Variants in CACHD1 observed in about 807,000 individuals in gnomAD.
The protein encoded by CACHD1 is VWFA and cache domain-containing protein 1.
In CACHD1, 71 loss-of-function variants were observed where a neutral mutation model predicts 138.7. The observed-to-expected ratio is 0.51, with a 90% CI of 0.42 to 0.62. The LOEUF is 0.62. CACHD1 is among the 20% of genes least tolerant of loss of function. The pLI is 0.00. For missense variants in CACHD1, 1,389 were observed against 1,625.3 expected (o/e 0.85, Z 2.50); for synonymous variants, 578 against 591.5 (o/e 0.98, Z 0.33).
chr1:64,519,131 C>T (rs936600167), intron 1 of CACHD1, among the ~76,000 whole-genome samples: 1 of 152,088 alleles, frequency 6.6e-6, no homozygotes, highest in East Asian at 1.9e-4. Context: ...TGTTTTTAAT[C>T]TCATTAACCC....
intron 2 of CACHD1, among the ~76,000 whole-genome samples, chr1:64,552,703 TC>T (rs1646768637): frequency 6.6e-6 from 1 of 152,192 alleles, no homozygotes; most frequent in South Asian, 2.1e-4. Context: ...GGTCTCAAAC[TC>T]CTCAGCGCAA....
At chr1:64,485,172 C>A (rs1352911930) in intron 1 of CACHD1, among the ~76,000 whole-genome samples, 3 of 152,154 alleles carry the variant, frequency 2.0e-5, no homozygotes, top group African/African-American at 7.2e-5. Context: ...CAGTAGCTAT[C>A]CTAATGGGAG....
chr1:64,633,936 G>A, intron 6 of CACHD1, 108 bp from the exon 7 acceptor site: 1 of 747,280 alleles, frequency 1.3e-6, no homozygotes, highest in African/African-American at 1.8e-5. Context: ...CTCAGAATCT[G>A]TTCTGTAGGC....
At chr1:64,679,271 T>G (rs542709085) in intron 23 of CACHD1, among the ~76,000 whole-genome samples, 1 of 152,290 alleles carries the variant, frequency 6.6e-6, no homozygotes, top group African/African-American at 2.4e-5. Flanking sequence ...CAAGAGTAAC[T>G]CATACCCCAG....
intron 1 of CACHD1, among the ~76,000 whole-genome samples, chr1:64,472,523 AATAG>A (rs1646151863): frequency 6.6e-6 from 1 of 152,244 alleles, no homozygotes. Flanking sequence ...TTTGCATAAT[AATAG>A]ATAAGCTTTT....
At chr1:64,556,553 A>G (rs17097135) in intron 2 of CACHD1, among the ~76,000 whole-genome samples, 2,200 of 152,242 alleles carry the variant, frequency 0.014, 54 homozygotes, top group South Asian at 0.091. Flanking sequence ...TCTTGTGCAT[A>G]CTATCTAACT....
chr1:64,613,345 G>A (rs1309624737), intron 4 of CACHD1: 2 of 149,578 alleles, frequency 1.3e-5, no homozygotes, highest in Non-Finnish European at 3.0e-5. Context: ...ATAGTGTAGT[G>A]TAGTGTAAAA....
intron 1 of CACHD1, among the ~76,000 whole-genome samples, chr1:64,541,724 C>T (rs1489817532): frequency 6.6e-6 from 1 of 152,172 alleles, no homozygotes; most frequent in Non-Finnish European, 1.5e-5. Context: ...TCCAGCTACT[C>T]AGGAGGCTGA....
At chr1:64,633,084 TG>T (rs1648372141) in intron 6 of CACHD1, among the ~76,000 whole-genome samples, 1 of 152,210 alleles carries the variant, frequency 6.6e-6, no homozygotes, top group Non-Finnish European at 1.5e-5. Context: ...CCTTTATGAT[TG>T]CATGGCTGAC....
chr1:64,516,341 T>G (rs922663773), intron 1 of CACHD1, among the ~76,000 whole-genome samples: 7 of 152,216 alleles, frequency 4.6e-5, no homozygotes, highest in Non-Finnish European at 8.8e-5. Context: ...TAACTTGCAG[T>G]AGCATTTCTC....
intron 26 of CACHD1, among the ~76,000 whole-genome samples, chr1:64,682,854 A>G (rs1383400288): frequency 6.6e-6 from 1 of 152,176 alleles, no homozygotes; most frequent in African/African-American, 2.4e-5. Context: ...CAGTTCCACA[A>G]AAATATAACA....
At chr1:64,601,258 AG>A (rs1647210802) in intron 3 of CACHD1, among the ~76,000 whole-genome samples, 2 of 152,334 alleles carry the variant, frequency 1.3e-5, no homozygotes, top group South Asian at 2.1e-4. Context: ...AACATCAGGG[AG>A]GGAATAGACT....
intron 1 of CACHD1, among the ~76,000 whole-genome samples, chr1:64,489,966 C>T (rs575715629): frequency 5.3e-5 from 8 of 152,246 alleles, no homozygotes; most frequent in Admixed American, 4.6e-4. Context: ...CTATTATTAC[C>T]TAACTTATAC....
intron 3 of CACHD1, among the ~76,000 whole-genome samples, chr1:64,600,792 A>T (rs1408233032): frequency 1.3e-5 from 2 of 152,214 alleles, no homozygotes; most frequent in Non-Finnish European, 2.9e-5. Context: ...CACAATCAGG[A>T]TAGGCCTTTC....
At chr1:64,552,425 A>G (rs1239746587) in intron 2 of CACHD1, among the ~76,000 whole-genome samples, 1 of 152,068 alleles carries the variant, frequency 6.6e-6, no homozygotes, top group Non-Finnish European at 1.5e-5. Flanking sequence ...AGCTTTTGAA[A>G]TAAATATGAC....
rs549642418 is a variant in CACHD1 at position 64,659,070 on chromosome 1, C to T, written c.1951+197C>T. Among the ~76,000 whole-genome samples the T allele has an allele frequency of 3.3e-5, 5 of 152,164 alleles. No homozygotes were observed. In the East Asian group the frequency reaches 7.7e-4, roughly 24 times the overall value. The stretch of plus-strand genomic sequence containing the variant: ...TCTAGCAGACTCTGAGACAAGGTTT[C>T]GTGTGCTCGCGATTTATATAGGATG... On this transcript the variant is annotated intron_variant, in intron 13 of 26. Transcript: ENST00000651257.
At chr1:64,630,640 T>C (rs1648270706) in intron 5 of CACHD1, among the ~76,000 whole-genome samples, 1 of 152,158 alleles carries the variant, frequency 6.6e-6, no homozygotes, top group African/African-American at 2.4e-5. Context: ...CCACACATTC[T>C]GGTGAAGACT....
chr1:64,514,143 T>G (rs1234120475), intron 1 of CACHD1, among the ~76,000 whole-genome samples: 2 of 152,244 alleles, frequency 1.3e-5, no homozygotes, highest in African/African-American at 4.8e-5. Flanking sequence ...AGATAAAGTT[T>G]AGATCTGAAG....
intron 26 of CACHD1, among the ~76,000 whole-genome samples, chr1:64,688,462 C>A (rs563809151): frequency 6.6e-6 from 1 of 152,234 alleles, no homozygotes; most frequent in East Asian, 1.9e-4. Context: ...GAAACCTCGA[C>A]CTTTTCCAAG....
Sources: allele counts gnomAD v4.1 joint callset (sites outside exome capture counted in the v4.1 genomes callset), GRCh38; gene constraint gnomAD v4.1.1; transcripts MANE v1.5; gene names NCBI Gene and HGNC (gene_info 2026-07-23, HGNC 2026-07-21).